Variants in PLIN3 observed in about 807,000 individuals in gnomAD.
The protein encoded by PLIN3 is perilipin-3.
PLIN3 carries 30 observed loss-of-function variants against 35.9 expected under a neutral mutation model. The observed-to-expected ratio is 0.84, with a 90% confidence interval of 0.62 to 1.13. The LOEUF (loss-of-function observed/expected upper bound fraction) is 1.13, where lower values mean the gene tolerates loss of function less well. Ranked by LOEUF, PLIN3 falls within the 50% of genes most tolerant of loss-of-function variation. The pLI is 0.00. For synonymous variants in PLIN3, 261 were observed against 262.5 expected, an observed-to-expected ratio of 0.99 and a Z score of 0.06; for missense variants, 603 against 596.9, an observed-to-expected ratio of 1.01 and a Z score of -0.11.
intron 4 of PLIN3, 81 bp from the exon 5 acceptor site, chr19:4,852,382 G>A: frequency 6.6e-7 from 1 of 1,507,366 alleles, no homozygotes; most frequent in Non-Finnish European, 8.9e-7. Context: ...CTTCCAGGGA[G>A]ACCGAGGCGG....
chr19:4,851,926 A>G, intron 5 of PLIN3, 90 bp downstream of exon 5: 1 of 1,341,780 alleles, frequency 7.5e-7, no homozygotes, highest in Non-Finnish European at 1.0e-6. Context: ...GGCGGCAGTG[A>G]GTGTCGGCAC....
In PLIN3 at chr19:4,839,227, CA is replaced by C. The variant is rs748353821; in HGVS notation, c.1269del (p.Gly424GlufsTer57). 9.3e-6 allele frequency: 15 copies of C among 1,609,112 alleles called. No individual in the cohort carries two copies. The East Asian group carries it at 3.4e-4, about 36-fold the overall frequency. On this transcript the variant is annotated frameshift_variant, in exon 8 of 8. Transcript: ENST00000221957. LOFTEE classifies it low-confidence loss of function (END_TRUNC). Reference protein sequence around the residue: ...PVTWLVGPFAPGITEKAPEEK... With the variant: ...PVTWLVGPFAXGITEKAPEEK... ...TCCTCCGGGGCTTTCTCAGTGATTC[CA>C]GGGGCAAAGGGTCCCACGAGCCACG...
intron 7 of PLIN3, among the ~76,000 whole-genome samples, chr19:4,844,212 C>T (rs1426386848): frequency 6.6e-6 from 1 of 152,088 alleles, no homozygotes; most frequent in African/African-American, 2.4e-5. Flanking sequence ...GCTTGTAATC[C>T]CAACACTTTG....
Position 4,839,327 on chromosome 19 carries a change from G to A in PLIN3, c.1170C>T (p.Ser390=). ...CGCGGGCGCTGGCGACACGCTCACG[G>A]CTCTGGGCCAGAATGCTGCTGGACA... The part of the protein sequence containing the change: ...QDLSSSILAQ[S]RERVASAREA... The change falls in exon 8 of 8, where the codon AGC becomes AGT. Residue 390 remains serine, a synonymous_variant. Coordinates refer to ENST00000221957, the MANE Select transcript of PLIN3 (RefSeq NM_005817.5). 3 of 1,613,988 alleles carry A rather than the reference G, an allele frequency of 1.9e-6. No homozygotes were observed. Among genetic ancestry groups the A allele is most frequent in the Middle Eastern group, 1.6e-4 (1 of 6,062 alleles).
chr19:4,849,908 C>G (rs993645731), intron 5 of PLIN3, among the ~76,000 whole-genome samples: 12 of 151,638 alleles, frequency 7.9e-5, no homozygotes, highest in African/African-American at 2.9e-4. Flanking sequence ...GCCTCAGCCT[C>G]CGAAAGTGCT....
chr19:4,859,134 T>C (rs911094096), intron 4 of PLIN3, among the ~76,000 whole-genome samples: 7 of 152,190 alleles, frequency 4.6e-5, no homozygotes, highest in African/African-American at 1.7e-4. Flanking sequence ...ACAGTCTCTG[T>C]CACAACTACT....
intron 5 of PLIN3, 84 bp from the exon 6 acceptor site, chr19:4,847,974 C>T (rs2030165272): frequency 1.1e-6 from 1 of 947,156 alleles, no homozygotes; most frequent in South Asian, 1.4e-5. Context: ...AAGAATCACA[C>T]TGTCCAGTTT....
chr19:4,863,109 A>T (rs1189566547), intron 1 of PLIN3, among the ~76,000 whole-genome samples: 3 of 152,014 alleles, frequency 2.0e-5, no homozygotes, highest in Non-Finnish European at 4.4e-5. Context: ...GTGAGGTGAG[A>T]TCGCGCCACT....
intron 3 of PLIN3, 77 bp from the exon 4 acceptor site, chr19:4,859,749 G>C (rs1189455625): frequency 6.3e-7 from 1 of 1,594,308 alleles, no homozygotes; most frequent in Non-Finnish European, 8.6e-7. Flanking sequence ...AGGACCAAGA[G>C]CTGGGTAGAC....
intron 3 of PLIN3, 71 bp downstream of exon 3, chr19:4,859,755 T>G: frequency 6.3e-7 from 1 of 1,596,886 alleles, no homozygotes; most frequent in Non-Finnish European, 8.6e-7. Flanking sequence ...AAGAGCTGGG[T>G]AGACCCCCCT....
intron 1 of PLIN3, among the ~76,000 whole-genome samples, chr19:4,865,348 G>GT (rs2030813178): frequency 6.6e-6 from 1 of 151,916 alleles, no homozygotes; most frequent in African/African-American, 2.4e-5. Context: ...AATTAGCCGT[G>GT]TATTTTGGCT....
intron 7 of PLIN3, among the ~76,000 whole-genome samples, chr19:4,840,258 GCC>G (rs1445993302): frequency 6.6e-6 from 1 of 151,782 alleles, no homozygotes; most frequent in Non-Finnish European, 1.5e-5. Context: ...GAACCACCGC[GCC>G]CAGACTCTTT....
At chr19:4,850,532 T>A (rs990790609) in intron 5 of PLIN3, among the ~76,000 whole-genome samples, 1 of 151,424 alleles carries the variant, frequency 6.6e-6, no homozygotes, top group Non-Finnish European at 1.5e-5. Context: ...GCCATTCTCC[T>A]GCCTCAGTCT....
chr19:4,851,118 C>T (rs1014330711), intron 5 of PLIN3, among the ~76,000 whole-genome samples: 2 of 152,044 alleles, frequency 1.3e-5, no homozygotes, highest in South Asian at 2.1e-4. Context: ...GAGCTATGAT[C>T]GCACCACTGC....
rs149813813 is a variant in PLIN3 at position 4,846,461 on chromosome 19, G to T, written c.834+1230C>A. 3.4e-3 allele frequency among the ~76,000 whole-genome samples: 521 copies of T among 152,190 alleles called. 7 individuals are homozygous for T. Among genetic ancestry groups the T allele is most frequent in the Middle Eastern group, 0.02 (6 of 294 alleles). ...TGTCTGTAATCCCAGCACTTTGGGA[G>T]GCTGAGGTGGGTGGATCACTTGAGG... is the stretch of plus-strand genomic sequence containing the variant. On this transcript the variant is annotated intron_variant, in intron 6 of 7. Coordinates refer to ENST00000221957, the MANE Select transcript of PLIN3 (RefSeq NM_005817.5).
At chr19:4,857,911 G>A (rs2030525854) in intron 4 of PLIN3, among the ~76,000 whole-genome samples, 1 of 151,562 alleles carries the variant, frequency 6.6e-6, no homozygotes, top group Non-Finnish European at 1.5e-5. Context: ...GGGAGGTGGA[G>A]GTTGCAGTGA....
In PLIN3 at chr19:4,852,310, T is replaced by G. The variant is rs373088242; in HGVS notation, c.349-9A>C. On this transcript the variant is annotated splice_polypyrimidine_tract_variant and intron_variant, in intron 4 of 7. Transcript: ENST00000221957. ...TTGGTGTCCGCCAGGACCTAGGAGATGCAACAGCATCAGCATCTCTGCCTT... is the reference window on the plus strand; with the variant it reads ...TTGGTGTCCGCCAGGACCTAGGAGAGGCAACAGCATCAGCATCTCTGCCTT... The G allele has an allele frequency of 6.3e-6, 10 of 1,597,946 alleles. No individual in the cohort carries two copies. Among genetic ancestry groups the G allele is most frequent in the Middle Eastern group, 1.7e-4 (1 of 6,058 alleles).
chr19:4,857,830 G>T (rs1244620184), intron 4 of PLIN3, among the ~76,000 whole-genome samples: 1 of 151,898 alleles, frequency 6.6e-6, no homozygotes, highest in East Asian at 1.9e-4. Flanking sequence ...ACAAAAATTG[G>T]CCAGGTGTGG....
At chr19:4,842,856 A>G (rs1005471101) in intron 7 of PLIN3, among the ~76,000 whole-genome samples, 2 of 152,094 alleles carry the variant, frequency 1.3e-5, no homozygotes, top group African/African-American at 4.8e-5. Context: ...GATATTCACC[A>G]TATCTTTATG....
Sources: gnomAD v4.1 joint callset for allele counts (sites outside exome capture counted in the v4.1 genomes callset) on GRCh38, gnomAD v4.1.1 for gene constraint, MANE v1.5 for transcripts, NCBI Gene and HGNC (gene_info 2026-07-23, HGNC 2026-07-21) for gene names.